PRKN: variants seen among roughly 807,000 people sequenced by gnomAD.
PRKN encodes parkin RBR E3 ubiquitin protein ligase.
PRKN carries 56 observed loss-of-function variants against 59.5 expected under a neutral mutation model. The observed-to-expected ratio is 0.94, with a 90% CI of 0.76 to 1.18. PRKN has a LOEUF of 1.18. Among genes scored for constraint, PRKN ranks in the 50% most tolerant of loss-of-function variants. The probability of loss-of-function intolerance (pLI) is 0.00; values close to 1 mark genes in which losing one functional copy is unlikely to be tolerated. For missense variants in PRKN, 657 were observed against 596.4 expected (o/e 1.10, Z -1.06); for synonymous variants, 250 against 222.1 (o/e 1.13, Z -1.12).
At position 161,975,991 on chromosome 6, in the gene PRKN, C is replaced by T. The variant is rs148656468; in HGVS notation, c.619-2574G>A. On this transcript the variant is annotated intron_variant, in intron 5 of 11. Transcript: ENST00000366898. ...TGCAGTCTTGGCTCACTGCAACCTC[C>T]GCCTCCCAGGTTCAAGTGATTCTCC... Among the ~76,000 whole-genome samples the T allele has an allele frequency of 1.0e-3, 156 of 152,200 alleles. 7 individuals are homozygous for T. The South Asian group carries it at 0.018, about 18-fold the overall frequency.
At chr6:162,279,045 T>C (rs920479706) in intron 2 of PRKN, among the ~76,000 whole-genome samples, 2 of 152,062 alleles carry the variant, frequency 1.3e-5, no homozygotes, top group African/African-American at 4.8e-5. Context: ...AAATCAGAAA[T>C]GTTGGCGAGG....
chr6:162,578,716 T>G (rs1241757761), intron 1 of PRKN, among the ~76,000 whole-genome samples: 2 of 152,242 alleles, frequency 1.3e-5, no homozygotes, highest in Non-Finnish European at 2.9e-5. Context: ...ATTCTTGATT[T>G]GATTTTTCAC....
At chr6:161,961,813 T>C (rs578109112) in intron 6 of PRKN, among the ~76,000 whole-genome samples, 4 of 152,316 alleles carry the variant, frequency 2.6e-5, no homozygotes, top group South Asian at 2.1e-4. Context: ...TCTTTGATGG[T>C]AGAAGAGGTA....
At chr6:161,921,430 A>C (rs1485451357) in intron 6 of PRKN, among the ~76,000 whole-genome samples, 3 of 152,224 alleles carry the variant, frequency 2.0e-5, no homozygotes, top group African/African-American at 7.2e-5. Context: ...AATATACATA[A>C]ACCAGTAACA....
rs1006604264 is a variant in PRKN, at chr6:161,362,296, C to T, written c.1168-2091G>A. ...AGGCAAAGGAAACCCTTAAAGACAGCAAATCCTCCTGGTTCGGGAGGAAGG... is the reference window on the plus strand; with the variant it reads ...AGGCAAAGGAAACCCTTAAAGACAGTAAATCCTCCTGGTTCGGGAGGAAGG... On this transcript the variant is annotated intron_variant, in intron 10 of 11. Coordinates refer to ENST00000366898, the MANE Select transcript of PRKN (RefSeq NM_004562.3). This position sits in a 1 kb window ranked among gnomAD's most constrained non-coding sequence, Gnocchi z 5.2. Among the ~76,000 whole-genome samples the T allele has an allele frequency of 3.3e-5, 5 of 152,162 alleles. No homozygotes were observed. Among genetic ancestry groups the T allele is most frequent in the African/African-American group, 9.7e-5 (4 of 41,444 alleles).
At chr6:161,874,868 GTAAAATA>G (rs1173733596) in intron 6 of PRKN, among the ~76,000 whole-genome samples, 3 of 61,768 alleles carry the variant, frequency 4.9e-5, no homozygotes, top group South Asian at 5.3e-4. Flanking sequence ...TATATAAAAT[GTAAAATA>G]TAAAATATAT....
At position 161,902,556 on chromosome 6, in the gene PRKN, A is replaced by ATCTATTT. The variant is rs1382089937; in HGVS notation, c.734+70745_734+70746insAAATAGA. ...TATCTATCTATCTATCTATTTATTT[A>ATCTATTT]TTTATTTATTTTTTTTTTTTTGCGA... On this transcript the variant is annotated intron_variant, in intron 6 of 11. Transcript: ENST00000366898. Among the ~76,000 whole-genome samples the ATCTATTT allele has an allele frequency of 3.6e-3, 427 of 118,082 alleles. 41 individuals carry two copies. The highest frequency in any genetic ancestry group is 8.4e-3 in the African/African-American group (240 of 28,504). The allele number at this position is 118,082 out of a possible 152,430, so 77.5% of individuals were successfully genotyped here.
At position 162,380,467 on chromosome 6, in the gene PRKN, A is replaced by G. The variant is rs538680934; in HGVS notation, c.171+62843T>C. 6.2e-3 allele frequency among the ~76,000 whole-genome samples: 343 copies of G among 54,918 alleles called. 7 individuals carry two copies. Among genetic ancestry groups the G allele is most frequent in the Middle Eastern group, 0.041 (5 of 122 alleles). 36.0% of individuals were successfully genotyped at this position (54,918 alleles called of 152,430 possible). On this transcript the variant is annotated intron_variant, in intron 2 of 11. Transcript: ENST00000366898. ...TATATGTATATATACACACATATAT[A>G]TGTGTGTATATATATGTATATATAC...
At chr6:162,064,244 GT>G (rs1422419084) in intron 4 of PRKN, among the ~76,000 whole-genome samples, 9 of 152,146 alleles carry the variant, frequency 5.9e-5, no homozygotes, top group African/African-American at 1.7e-4. Context: ...ATCAGAAGAG[GT>G]TATCTTTGGA....
In PRKN at chr6:162,107,537, T is replaced by C. The variant is rs572406431; in HGVS notation, c.535-53363A>G. Among the ~76,000 whole-genome samples, 65 of 152,328 alleles carry C rather than the reference T, an allele frequency of 4.3e-4. No individual in the cohort carries two copies. The South Asian group carries it at 0.013, about 30-fold the overall frequency. The stretch of plus-strand genomic sequence containing the variant: ...TAAAGCAAATAACTAATCTTTTAAA[T>C]GAGAGAGAACAGAAGAGTTTCTCAT... On this transcript the variant is annotated intron_variant, in intron 4 of 11. Coordinates refer to ENST00000366898, the MANE Select transcript of PRKN (RefSeq NM_004562.3).
At chr6:161,646,230 C>A (rs1252503480) in intron 7 of PRKN, among the ~76,000 whole-genome samples, 1 of 52,998 alleles carries the variant, frequency 1.9e-5, no homozygotes, top group Non-Finnish European at 3.7e-5. Context: ...GTGGTGACTG[C>A]GTGTGCGTGC....
At chr6:162,273,204 G>C (rs1195237023) in intron 2 of PRKN, among the ~76,000 whole-genome samples, 1 of 151,916 alleles carries the variant, frequency 6.6e-6, no homozygotes, top group Non-Finnish European at 1.5e-5. Context: ...AAGGAAAATC[G>C]AAGTTAGTGA....
chr6:161,678,420 A>G lies in PRKN; in HGVS notation c.871+107352T>C, dbSNP rs539779835. On this transcript the variant is annotated intron_variant, in intron 7 of 11. Coordinates refer to ENST00000366898, the MANE Select transcript of PRKN (RefSeq NM_004562.3). Reference sequence around the variant, plus strand: ...GTGGATGTAAACATGAAATAAGATAATAAGTGTAAAGCTCTTACCACAAAT... The same window carrying G: ...GTGGATGTAAACATGAAATAAGATAGTAAGTGTAAAGCTCTTACCACAAAT... Among the ~76,000 whole-genome samples, 30 of 151,962 alleles carry G rather than the reference A, an allele frequency of 2.0e-4. No individual in the cohort carries two copies. The South Asian group carries it at 5.4e-3, about 27-fold the overall frequency.
intron 5 of PRKN, among the ~76,000 whole-genome samples, chr6:161,999,345 C>T (rs1781961722): frequency 6.6e-6 from 1 of 152,046 alleles, no homozygotes; most frequent in African/African-American, 2.4e-5. Flanking sequence ...CATCTGGACA[C>T]TGGACTTTAC....
chr6:161,903,921 G>A (rs1778031670), intron 6 of PRKN, among the ~76,000 whole-genome samples: 1 of 151,758 alleles, frequency 6.6e-6, no homozygotes, highest in Admixed American at 6.6e-5. Flanking sequence ...TCGTCTGCAG[G>A]ATCCACAATT....
At chr6:161,854,850 C>T (rs186590185) in intron 6 of PRKN, among the ~76,000 whole-genome samples, 15 of 151,954 alleles carry the variant, frequency 9.9e-5, no homozygotes, top group African/African-American at 2.9e-4. Context: ...TCTGGGAGGC[C>T]GAGGCGGGTG....
chr6:161,989,518 C>A (rs1210191618), intron 5 of PRKN, among the ~76,000 whole-genome samples: 2 of 152,122 alleles, frequency 1.3e-5, no homozygotes, highest in Admixed American at 1.3e-4. Flanking sequence ...CCATCTGGGG[C>A]TTGAGGATAG....
chr6:161,371,610 G>A lies in PRKN; in HGVS notation c.1168-11405C>T, dbSNP rs1785447735. 6.6e-6 allele frequency among the ~76,000 whole-genome samples: 1 copy of A among 152,058 alleles called. No homozygotes were observed. Among genetic ancestry groups the A allele is most frequent in the Non-Finnish European group, 1.5e-5 (1 of 68,018 alleles). On this transcript the variant is annotated intron_variant, in intron 10 of 11. Transcript: ENST00000366898. The surrounding 1 kb of genome is among the most constrained non-coding windows in gnomAD (Gnocchi z 5.5). The stretch of plus-strand genomic sequence containing the variant: ...TCCAAACTCCCCAAGCCATGCTTTA[G>A]AATGCAATTCAGAAGGGCATTTGTT...
intron 2 of PRKN, among the ~76,000 whole-genome samples, chr6:162,393,101 T>A (rs555693128): frequency 6.6e-6 from 1 of 150,490 alleles, no homozygotes; most frequent in Non-Finnish European, 1.5e-5. Flanking sequence ...AATCATGTGC[T>A]ACCATTTAAA....
Sources: gnomAD v4.1 joint callset for allele counts (sites outside exome capture counted in the v4.1 genomes callset) on GRCh38, gnomAD v4.1.1 for gene constraint, Gnocchi (gnomAD v3.1) non-coding constraint, MANE v1.5 for transcripts, NCBI Gene and HGNC (gene_info 2026-07-23, HGNC 2026-07-21) for gene names.